Variants in PPP1R9A observed in about 807,000 individuals in gnomAD.
PPP1R9A encodes neurabin-1.
PPP1R9A carries 59 observed loss-of-function variants against 141.9 expected under a neutral mutation model. The observed-to-expected ratio is 0.42, with a 90% CI of 0.34 to 0.52. The LOEUF (loss-of-function observed/expected upper bound fraction) is 0.52. PPP1R9A is among the 20% of genes least tolerant of loss of function. The pLI, the probability that PPP1R9A is intolerant of heterozygous loss-of-function variation, is 0.10. For missense variants in PPP1R9A, 1,444 were observed against 1,611.9 expected (o/e 0.90, Z 1.78); for synonymous variants, 500 against 569.7 (o/e 0.88, Z 1.74).
intron 2 of PPP1R9A, chr7:95,036,610 A>T (rs1808456001): frequency 6.6e-6 from 1 of 152,200 alleles, no homozygotes; most frequent in Non-Finnish European, 1.5e-5. Context: ...ACACCCAGAA[A>T]ATTGGAAAGT....
intron 2 of PPP1R9A, among the ~76,000 whole-genome samples, chr7:94,983,468 A>C (rs898436506): frequency 6.6e-6 from 1 of 152,108 alleles, no homozygotes; most frequent in African/African-American, 2.4e-5. Context: ...ATGAGCATGG[A>C]ATATTCTTCA....
At chr7:94,918,375 A>G (rs11974189) in intron 2 of PPP1R9A, among the ~76,000 whole-genome samples, 3,400 of 152,028 alleles carry the variant, frequency 0.022, 128 homozygotes, top group African/African-American at 0.078. Flanking sequence ...ACCGATGGAG[A>G]GTTTATTACT....
chr7:95,203,160 A>C (rs1789952777), intron 6 of PPP1R9A, among the ~76,000 whole-genome samples: 1 of 152,020 alleles, frequency 6.6e-6, no homozygotes, highest in Non-Finnish European at 1.5e-5. Flanking sequence ...TATTATAGCA[A>C]CTTTTTTTTT....
chr7:95,000,632 A>T (rs956324912), intron 2 of PPP1R9A, among the ~76,000 whole-genome samples: 4 of 152,114 alleles, frequency 2.6e-5, no homozygotes, highest in Admixed American at 6.6e-5. Context: ...TTGATAAAAG[A>T]TAGGGCATTT....
intron 4 of PPP1R9A, among the ~76,000 whole-genome samples, chr7:95,121,232 A>G (rs1822506864): frequency 6.6e-6 from 1 of 152,046 alleles, no homozygotes; most frequent in African/African-American, 2.4e-5. Flanking sequence ...TAAGTTAGGA[A>G]CTCTAATTCT....
Position 94,910,458 on chromosome 7 carries a change from G to A in PPP1R9A, c.345G>A (p.Lys115=), listed in dbSNP as rs1047023936. Residue 115 remains lysine, a synonymous_variant, in exon 2 of 20, where the codon AAG becomes AAA. Transcript: ENST00000433360. This position sits in a 1 kb window ranked among gnomAD's most constrained non-coding sequence, Gnocchi z 4.5. The part of the protein sequence containing the change: ...FLEKTDGSVV[K]LESSVSERIS... The stretch of plus-strand genomic sequence containing the variant: ...AAAAAACAGATGGCTCAGTTGTTAA[G>A]TTGGAGTCTTCTGTTTCTGAACGAA... The A allele has an allele frequency of 3.7e-6, 6 of 1,614,206 alleles. No individual in the cohort carries two copies. The highest frequency in any genetic ancestry group is 1.7e-5 in the Admixed American group (1 of 60,024).
At chr7:94,935,521 G>C (rs1177236158) in intron 2 of PPP1R9A, among the ~76,000 whole-genome samples, 1 of 152,132 alleles carries the variant, frequency 6.6e-6, no homozygotes, top group Non-Finnish European at 1.5e-5. Flanking sequence ...TTTTTAAAAA[G>C]TTCTCTTCTT....
chr7:95,165,317 G>C, intron 5 of PPP1R9A, among the ~76,000 whole-genome samples: 1 of 152,134 alleles, frequency 6.6e-6, no homozygotes, highest in East Asian at 1.9e-4. Context: ...CTGCTCTTTT[G>C]GATCACCAGT....
intron 2 of PPP1R9A, among the ~76,000 whole-genome samples, chr7:95,053,900 G>A (rs895036340): frequency 2.0e-5 from 3 of 152,252 alleles, no homozygotes; most frequent in Middle Eastern, 3.4e-3. Flanking sequence ...AGTATATAGC[G>A]TTCAGCTCAG....
chr7:94,996,654 T>C (rs1317733104), intron 2 of PPP1R9A, among the ~76,000 whole-genome samples: 1 of 152,170 alleles, frequency 6.6e-6, no homozygotes. Context: ...AAAGTACACA[T>C]ATGTCACTTG....
At chr7:95,047,506 T>G (rs1584431763) in intron 2 of PPP1R9A, among the ~76,000 whole-genome samples, 1 of 152,244 alleles carries the variant, frequency 6.6e-6, no homozygotes, top group Non-Finnish European at 1.5e-5. Flanking sequence ...AGAATGTTTC[T>G]GATACTGCTT....
intron 2 of PPP1R9A, among the ~76,000 whole-genome samples, chr7:95,012,650 A>G (rs934289913): frequency 2.0e-5 from 3 of 152,166 alleles, no homozygotes; most frequent in African/African-American, 7.2e-5. Flanking sequence ...ATTTGGAGGG[A>G]ATGCATGAGA....
chr7:95,005,164 A>C (rs1476686948), intron 2 of PPP1R9A, among the ~76,000 whole-genome samples: 1 of 152,102 alleles, frequency 6.6e-6, no homozygotes, highest in Non-Finnish European at 1.5e-5. Context: ...AAATGATTTT[A>C]ATTTTGATAA....
chr7:94,999,421 T>C (rs906671042), intron 2 of PPP1R9A, among the ~76,000 whole-genome samples: 8 of 152,238 alleles, frequency 5.3e-5, no homozygotes, highest in African/African-American at 1.9e-4. Context: ...GATACAGCAC[T>C]AGGTTCATCT....
chr7:95,067,983 CTTCACTGA>C (rs112936722), intron 2 of PPP1R9A, among the ~76,000 whole-genome samples: 8,591 of 152,150 alleles, frequency 0.056, 791 homozygotes, highest in African/African-American at 0.2. Context: ...CCTTATCTCC[CTTCACTGA>C]CTCTCTTTTC....
chr7:95,124,800 T>A (rs116045158), intron 4 of PPP1R9A, among the ~76,000 whole-genome samples: 2 of 152,134 alleles, frequency 1.3e-5, no homozygotes, highest in Non-Finnish European at 2.9e-5. Context: ...TGAGCAGACA[T>A]GTATACATAG....
chr7:95,020,082 A>G (rs1805706565), intron 2 of PPP1R9A, among the ~76,000 whole-genome samples: 1 of 152,104 alleles, frequency 6.6e-6, no homozygotes, highest in Non-Finnish European at 1.5e-5. Context: ...GATGAATTTC[A>G]AAATAATTAC....
At chr7:94,930,987 A>C (rs1794084048) in intron 2 of PPP1R9A, among the ~76,000 whole-genome samples, 1 of 152,200 alleles carries the variant, frequency 6.6e-6, no homozygotes, top group African/African-American at 2.4e-5. Context: ...TCCGTACAAA[A>C]TAGTTATGAA....
At chr7:94,984,467 T>G (rs995956195) in intron 2 of PPP1R9A, among the ~76,000 whole-genome samples, 2 of 152,162 alleles carry the variant, frequency 1.3e-5, no homozygotes, top group Non-Finnish European at 2.9e-5. Flanking sequence ...GTCTCGGAGT[T>G]TTTTTGGTTG....
Sources: allele counts gnomAD v4.1 joint callset (sites outside exome capture counted in the v4.1 genomes callset), GRCh38; gene constraint gnomAD v4.1.1; non-coding constraint Gnocchi (gnomAD v3.1); transcripts MANE v1.5; gene names NCBI Gene and HGNC (gene_info 2026-07-23, HGNC 2026-07-21).